TENM2: variants seen among roughly 807,000 people sequenced by gnomAD.
TENM2 encodes teneurin-2.
Under a neutral mutation model 245.2 loss-of-function variants are expected in TENM2, and 52 were observed. The ratio of observed to expected loss-of-function variants is 0.21; its 90% confidence interval spans 0.17 to 0.27. The LOEUF is 0.27. Among genes scored for constraint, TENM2 ranks in the 10% least tolerant of loss-of-function variants. The pLI, the probability that TENM2 is intolerant of heterozygous loss-of-function variation, is 1.00. For synonymous variants in TENM2, 1,363 were observed against 1,438.9 expected (o/e 0.95, Z 1.19); for missense variants, 3,046 against 3,666.8 (o/e 0.83, Z 4.37).
chr5:168,197,203 C>T (rs1216259661), intron 15 of TENM2, among the ~76,000 whole-genome samples: 1 of 152,188 alleles, frequency 6.6e-6, no homozygotes, highest in African/African-American at 2.4e-5. Context: ...AACTATTGTA[C>T]TGTACATGCT....
At chr5:167,578,892 G>T (rs143217847) in intron 2 of TENM2, among the ~76,000 whole-genome samples, 19 of 152,098 alleles carry the variant, frequency 1.2e-4, no homozygotes, top group Non-Finnish European at 2.2e-4. Flanking sequence ...CAGAGTTCAC[G>T]ATGAGAAGGA....
chr5:167,401,786 C>T lies in TENM2; in HGVS notation c.502+26313C>T, dbSNP rs74998217. Among the ~76,000 whole-genome samples, 657 of 152,234 alleles carry T rather than the reference C, an allele frequency of 4.3e-3. 4 individuals carry two copies. The highest frequency in any genetic ancestry group is 6.8e-3 in the Non-Finnish European group (460 of 68,004). On this transcript the variant is annotated intron_variant, in intron 2 of 28. Coordinates refer to ENST00000518659, the Ensembl canonical transcript of TENM2. ...AAATTTTGAGAAATAGCATAAAACT[C>T]ACGGACGAAATCAGTTTGTATTATT...
At chr5:167,502,040 G>A (rs1769244919) in intron 2 of TENM2, among the ~76,000 whole-genome samples, 1 of 151,784 alleles carries the variant, frequency 6.6e-6, no homozygotes, top group Non-Finnish European at 1.5e-5. Context: ...AGGTCATGTT[G>A]CTTGCTCTAG....
chr5:168,158,300 A>T (rs188019013), intron 12 of TENM2, among the ~76,000 whole-genome samples: 1 of 152,260 alleles, frequency 6.6e-6, no homozygotes, highest in Admixed American at 6.5e-5. Context: ...TGGGAAGAGG[A>T]CTTTTGATCT....
At chr5:167,493,087 A>AT (rs566634941) in intron 2 of TENM2, among the ~76,000 whole-genome samples, 12 of 152,074 alleles carry the variant, frequency 7.9e-5, no homozygotes, top group South Asian at 2.1e-4. Context: ...TAAAAGTTAG[A>AT]TTTTTTTACC....
At chr5:167,994,613 A>G (rs1368748938) in intron 5 of TENM2, among the ~76,000 whole-genome samples, 2 of 152,220 alleles carry the variant, frequency 1.3e-5, no homozygotes, top group Non-Finnish European at 2.9e-5. Flanking sequence ...AAAAATAAGC[A>G]TTTATATTCC....
intron 2 of TENM2, among the ~76,000 whole-genome samples, chr5:167,682,249 A>G (rs1458310038): frequency 2.0e-5 from 3 of 150,986 alleles, no homozygotes; most frequent in East Asian, 3.9e-4. Flanking sequence ...TGCAACCTCC[A>G]TCTCCCAGGT....
the TENM2 span, among the ~76,000 whole-genome samples, chr5:167,154,702 T>A: frequency 6.6e-6 from 1 of 152,220 alleles, no homozygotes; most frequent in Non-Finnish European, 1.5e-5. Flanking sequence ...TTTTCCATTG[T>A]TCATTTACTA....
the TENM2 span, among the ~76,000 whole-genome samples, chr5:166,979,155 C>T: frequency 1.4e-5 from 2 of 143,508 alleles, no homozygotes; most frequent in East Asian, 2.2e-4. Flanking sequence ...GGGCGTCCTC[C>T]TCCTAATCGT....
intron 1 of TENM2, among the ~76,000 whole-genome samples, chr5:167,364,653 G>C (rs1468109225): frequency 2.0e-5 from 3 of 151,974 alleles, no homozygotes; most frequent in Non-Finnish European, 2.9e-5. Context: ...AAATAAGAAA[G>C]CTGGCTTGAC....
At chr5:168,214,994 C>A in intron 20 of TENM2, 46 bp from the exon 23 acceptor site, 1 of 1,537,318 alleles carries the variant, frequency 6.5e-7, no homozygotes. Context: ...AGGAGGCCAG[C>A]TCCATAGCCC....
chr5:167,948,986 C>A (rs1164951301), intron 3 of TENM2: 1 of 152,142 alleles, frequency 6.6e-6, no homozygotes, highest in Non-Finnish European at 1.5e-5. Context: ...ACCTTCCCAC[C>A]CAGCAAGTGT....
chr5:167,915,055 T>A (rs1776829270), intron 3 of TENM2, among the ~76,000 whole-genome samples: 1 of 152,142 alleles, frequency 6.6e-6, no homozygotes. Context: ...TCATGCGAGT[T>A]AACATATTCA....
At chr5:167,116,025 G>C in the TENM2 span, among the ~76,000 whole-genome samples, 1 of 152,196 alleles carries the variant, frequency 6.6e-6, no homozygotes, top group Non-Finnish European at 1.5e-5. Flanking sequence ...TTTGCACGCT[G>C]TCTGGCACAT....
At chr5:167,561,358 A>G (rs56368524) in intron 2 of TENM2, among the ~76,000 whole-genome samples, 3,392 of 152,316 alleles carry the variant, frequency 0.022, 140 homozygotes, top group African/African-American at 0.078. Context: ...CAGGAGCCCA[A>G]GGTCATTGTA....
chr5:167,356,216 A>AAAAAAAAAG (rs1412322682), intron 1 of TENM2, among the ~76,000 whole-genome samples: 2 of 134,322 alleles, frequency 1.5e-5, no homozygotes, highest in African/African-American at 6.4e-5. Context: ...AAAAAAAAAA[A>AAAAAAAAAG]AAAAATTAAA....
intron 12 of TENM2, among the ~76,000 whole-genome samples, chr5:168,147,702 G>A (rs1050782954): frequency 3.3e-5 from 5 of 152,142 alleles, no homozygotes; most frequent in Non-Finnish European, 7.3e-5. Context: ...TACACATGGG[G>A]TGACCTCTGA....
the TENM2 span, among the ~76,000 whole-genome samples, chr5:167,041,385 A>C: frequency 6.6e-6 from 1 of 152,194 alleles, no homozygotes; most frequent in East Asian, 1.9e-4. Flanking sequence ...AGAGAAGCAG[A>C]GTTCCTGAAA....
intron 13 of TENM2, among the ~76,000 whole-genome samples, chr5:168,183,633 G>T (rs769575325): frequency 3.9e-5 from 6 of 151,916 alleles, no homozygotes; most frequent in Non-Finnish European, 8.8e-5. Flanking sequence ...CATCTTTCTT[G>T]CCCCAACTTA....
Sources: allele counts gnomAD v4.1 joint callset (sites outside exome capture counted in the v4.1 genomes callset), GRCh38; gene constraint gnomAD v4.1.1; transcripts MANE v1.5; gene names NCBI Gene and HGNC (gene_info 2026-07-23, HGNC 2026-07-21).